Variants in DOK6 observed in about 807,000 individuals in gnomAD.
DOK6 encodes the protein docking protein 6, also known as downstream of tyrosine kinase 6.
DOK6 carries 22 observed loss-of-function variants against 44.0 expected under a neutral mutation model. The observed-to-expected ratio is 0.50, with a 90% CI of 0.36 to 0.71. The LOEUF is 0.71. DOK6 is among the 30% of genes least tolerant of loss of function. The pLI, the probability that DOK6 is intolerant of heterozygous loss-of-function variation, is 0.00. For synonymous variants in DOK6, 166 were observed against 145.5 expected (o/e 1.14, Z -1.01); for missense variants, 340 against 416.4 (o/e 0.82, Z 1.60).
intron 3 of DOK6, among the ~76,000 whole-genome samples, chr18:69,642,661 C>A (rs1022775797): frequency 6.6e-6 from 1 of 151,738 alleles, no homozygotes. Flanking sequence ...CTTATAATAC[C>A]CTCCAACCTG....
chr18:69,843,866 T>G lies in DOK6; in HGVS notation c.*2483T>G, dbSNP rs1982290494. ...TCATGGTACATTTTTGGAGCTTAATTCTAGCATACTCCTCCAAGTACACTC... is the reference window on the plus strand; with the variant it reads ...TCATGGTACATTTTTGGAGCTTAATGCTAGCATACTCCTCCAAGTACACTC... On this transcript the variant is annotated 3_prime_UTR_variant, in exon 8 of 8. Transcript: ENST00000382713. The G allele has an allele frequency of 6.6e-6, 1 of 152,184 alleles. No homozygotes were observed. Among genetic ancestry groups the G allele is most frequent in the African/African-American group, 2.4e-5 (1 of 41,436 alleles). The allele number at this position is 152,184 out of a possible 1,614,324, so 9.4% of individuals were successfully genotyped here.
chr18:69,798,506 A>G (rs1980812643), intron 7 of DOK6, among the ~76,000 whole-genome samples: 2 of 152,102 alleles, frequency 1.3e-5, no homozygotes, highest in African/African-American at 2.4e-5. Flanking sequence ...TTATACATAC[A>G]ACAGTTTATC....
At chr18:69,414,418 T>C (rs758747404) in intron 1 of DOK6, among the ~76,000 whole-genome samples, 8 of 152,068 alleles carry the variant, frequency 5.3e-5, no homozygotes, top group Non-Finnish European at 8.8e-5. Flanking sequence ...AGGACCAAAC[T>C]AATAATAAAT....
At position 69,845,981 on chromosome 18, in the gene DOK6, T is replaced by A. The variant is rs958514841; in HGVS notation, c.*4598T>A. On this transcript the variant is annotated 3_prime_UTR_variant, in exon 8 of 8. Transcript: ENST00000382713. ...TATCGGTGAGACTGGTGTGCGGGGC[T>A]GGATCTGTGAGACAAGCTCACACTC... 2 of 152,218 alleles carry A rather than the reference T, an allele frequency of 1.3e-5. No individual in the cohort carries two copies. Among genetic ancestry groups the A allele is most frequent in the African/African-American group, 2.4e-5 (1 of 41,454 alleles). The allele number at this position is 152,218 out of a possible 1,614,324, so 9.4% of individuals were successfully genotyped here.
At chr18:69,525,982 T>G (rs2144568553) in intron 1 of DOK6, among the ~76,000 whole-genome samples, 1 of 152,216 alleles carries the variant, frequency 6.6e-6, no homozygotes, top group South Asian at 2.1e-4. Context: ...TAAAAATTAT[T>G]CATTATTAAG....
chr18:69,532,609 C>T (rs980164509), intron 1 of DOK6: 9 of 152,196 alleles, frequency 5.9e-5, no homozygotes, highest in Non-Finnish European at 1.0e-4. Context: ...GCCTGTAATC[C>T]CAGCATTTTG....
chr18:69,715,840 C>A (rs1033653613), intron 5 of DOK6, among the ~76,000 whole-genome samples: 1 of 152,052 alleles, frequency 6.6e-6, no homozygotes, highest in African/African-American at 2.4e-5. Flanking sequence ...GTTCACTTAG[C>A]GATTTTTGAG....
intron 1 of DOK6, among the ~76,000 whole-genome samples, chr18:69,516,987 A>C (rs1981544668): frequency 1.3e-5 from 2 of 152,042 alleles, no homozygotes; most frequent in Non-Finnish European, 2.9e-5. Flanking sequence ...AGGCCTAAAA[A>C]TACTATGCTT....
Position 69,609,308 on chromosome 18 carries a change from AATAC to A in DOK6, c.289+9814_289+9817del, listed in dbSNP as rs559028108. Among the ~76,000 whole-genome samples the A allele has an allele frequency of 1.2e-4, 19 of 152,332 alleles. No individual in the cohort carries two copies. The South Asian group carries it at 3.5e-3, about 28-fold the overall frequency. ...TAGGCATGTGTACATCTCAATAGCA[AATAC>A]ATAAATTATCCAATTCCAAAACAGA... On this transcript the variant is annotated intron_variant, in intron 3 of 7. Coordinates refer to ENST00000382713, the MANE Select transcript of DOK6 (RefSeq NM_152721.6).
At chr18:69,489,469 G>T (rs1217733592) in intron 1 of DOK6, among the ~76,000 whole-genome samples, 1 of 152,128 alleles carries the variant, frequency 6.6e-6, no homozygotes, top group Admixed American at 6.5e-5. Flanking sequence ...ATCAGCCATA[G>T]TGGGGAAGTG....
chr18:69,803,096 A>G (rs1315916983), intron 7 of DOK6, among the ~76,000 whole-genome samples: 2 of 152,120 alleles, frequency 1.3e-5, no homozygotes, highest in Admixed American at 6.6e-5. Context: ...ATGATGTTAT[A>G]TATACTATTT....
chr18:69,401,329 T>G lies in DOK6; in HGVS notation c.66+19T>G, dbSNP rs540246608. The G allele has an allele frequency of 6.9e-5, 104 of 1,506,794 alleles. 2 individuals are homozygous for G. In the South Asian group the frequency reaches 1.3e-3, roughly 19 times the overall value. The allele number at this position is 1,506,794 out of a possible 1,614,324, so 93.3% of individuals were successfully genotyped here. ...GCTTGGGGTGAGTGGCTCGCTCGGC[T>G]TGCTCCTTCCCCGGCGCTCGTTCGG... On this transcript the variant is annotated intron_variant, in intron 1 of 7. Coordinates refer to ENST00000382713, the MANE Select transcript of DOK6 (RefSeq NM_152721.6).
At chr18:69,476,010 A>G (rs1237036072) in intron 1 of DOK6, among the ~76,000 whole-genome samples, 1 of 152,108 alleles carries the variant, frequency 6.6e-6, no homozygotes, top group African/African-American at 2.4e-5. Flanking sequence ...ATAGTACCCA[A>G]CCATTTTTCA....
chr18:69,794,745 C>T (rs1980695955), intron 7 of DOK6, among the ~76,000 whole-genome samples: 1 of 152,142 alleles, frequency 6.6e-6, no homozygotes, highest in East Asian at 1.9e-4. Context: ...GCAGCCGCTC[C>T]CCATCACTCA....
intron 3 of DOK6, chr18:69,647,552 A>C (rs1348132115): frequency 1.3e-5 from 2 of 152,160 alleles, no homozygotes; most frequent in Non-Finnish European, 2.9e-5. Flanking sequence ...TAAACAAGGT[A>C]CTCAGTCCTT....
At chr18:69,587,013 T>A (rs1983518163) in intron 2 of DOK6, among the ~76,000 whole-genome samples, 1 of 152,276 alleles carries the variant, frequency 6.6e-6, no homozygotes, top group East Asian at 1.9e-4. Flanking sequence ...AAGAAACAAA[T>A]ATCTTACTGG....
intron 1 of DOK6, among the ~76,000 whole-genome samples, chr18:69,509,607 C>T (rs1981302191): frequency 7.6e-6 from 1 of 130,906 alleles, no homozygotes; most frequent in Non-Finnish European, 1.5e-5. Flanking sequence ...CGCTGCACTC[C>T]AGCCTGGGCA....
intron 1 of DOK6, among the ~76,000 whole-genome samples, chr18:69,546,008 T>C (rs1303537118): frequency 6.6e-6 from 1 of 151,546 alleles, no homozygotes; most frequent in East Asian, 1.9e-4. Context: ...AACTACGTGG[T>C]GGCTTATGCC....
intron 5 of DOK6, among the ~76,000 whole-genome samples, chr18:69,729,057 C>G (rs7504278): frequency 0.33 from 49,902 of 151,918 alleles, 8,274 homozygotes; most frequent in Middle Eastern, 0.48. Context: ...TCTACAAGCT[C>G]TGTTAATTAG....
Sources: gnomAD v4.1 joint callset for allele counts (sites outside exome capture counted in the v4.1 genomes callset) on GRCh38, gnomAD v4.1.1 for gene constraint, MANE v1.5 for transcripts, NCBI Gene and HGNC (gene_info 2026-07-23, HGNC 2026-07-21) for gene names.